ZNF740: variants seen among roughly 807,000 people sequenced by gnomAD.
The protein encoded by ZNF740 is oriLyt TD-element-binding protein 7.
In ZNF740, 14 loss-of-function variants were observed where a neutral mutation model predicts 24.8. That is an observed-to-expected ratio of 0.56 (90% CI 0.37 to 0.88). The LOEUF is 0.88. Among genes scored for constraint, ZNF740 ranks in the 40% least tolerant of loss-of-function variants. The pLI, the probability that ZNF740 is intolerant of heterozygous loss-of-function variation, is 0.00. For synonymous variants in ZNF740, 69 were observed against 84.0 expected (o/e 0.82, Z 0.98); for missense variants, 201 against 247.9 (o/e 0.81, Z 1.27).
chr12:53,191,588 G>A lies in ZNF740; in HGVS notation c.*3998G>A, dbSNP rs141610554. On this transcript the variant is annotated 3_prime_UTR_variant, in exon 7 of 7. Coordinates refer to ENST00000416904, the MANE Select transcript of ZNF740 (RefSeq NM_001004304.4). ...GTGGGACTGTCTGCCTCTTGAAAGC[G>A]AGGATTGATGGTGGTCGTGATGGCA... 1,901 of 1,613,724 alleles carry A rather than the reference G, an allele frequency of 1.2e-3. 1 individual carries two copies. The highest frequency in any genetic ancestry group is 1.5e-3 in the Non-Finnish European group (1,815 of 1,179,722).
Position 53,188,569 on chromosome 12 carries a change from C to T in ZNF740, c.*979C>T, listed in dbSNP as rs1941867755. The stretch of plus-strand genomic sequence containing the variant: ...CCAAGACTGGTCCCAAGTTGGCTAA[C>T]AGCTGCTCAAGAAACAAAGGAATCT... On this transcript the variant is annotated 3_prime_UTR_variant, in exon 7 of 7. Transcript: ENST00000416904. 1 of 152,592 alleles carries T rather than the reference C, an allele frequency of 6.6e-6. No individual in the cohort carries two copies. Among genetic ancestry groups the T allele is most frequent in the Non-Finnish European group, 1.5e-5 (1 of 68,042 alleles). 9.5% of individuals were successfully genotyped at this position (152,592 alleles called of 1,614,324 possible).
intron 6 of ZNF740, among the ~76,000 whole-genome samples, chr12:53,187,231 C>T (rs1325910321): frequency 6.6e-6 from 1 of 152,174 alleles, no homozygotes; most frequent in Non-Finnish European, 1.5e-5. Flanking sequence ...TACTTTTAGC[C>T]TCGCTTTGCA....
rs369601059 is a variant in ZNF740 at position 53,181,103 on chromosome 12, C to T, written c.-308+266C>T. On this transcript the variant is annotated intron_variant, in intron 1 of 6. Coordinates refer to ENST00000416904, the MANE Select transcript of ZNF740 (RefSeq NM_001004304.4). ...CACGCATCTCGCGCGCTTCTCGGCA[C>T]TCTCCGGCTCTGCTCCCGGTTGGTG... 1.2e-4 allele frequency: 114 copies of T among 946,928 alleles called. No individual in the cohort carries two copies. The East Asian group carries it at 0.011, about 89-fold the overall frequency. The allele number at this position is 946,928 out of a possible 1,614,324, so 58.7% of individuals were successfully genotyped here.
In ZNF740 at chr12:53,184,904, C is replaced by T; in HGVS notation, c.23C>T (p.Ala8Val). 6.2e-7 allele frequency: 1 copy of T among 1,613,198 alleles called. No homozygotes were observed. Among genetic ancestry groups the T allele is most frequent in the Non-Finnish European group, 8.5e-7 (1 of 1,179,530 alleles). Residue 8 changes from alanine to valine, a missense_variant, in exon 3 of 7, where the codon GCT (alanine) becomes GTT (valine). Ala to Val is a moderately conservative substitution (Grantham distance 64, BLOSUM62 0). Transcript: ENST00000416904. MAQASLL[A>V]CEGLAGVSLV... ...CTTTCAACTTAGGCAAGTCTCCTGG[C>T]TTGTGAAGGCCTAGCAGGTGTGAGT...
In ZNF740 at chr12:53,194,994, A is replaced by G. The variant is rs1942108560; in HGVS notation, c.*7404A>G. 1 of 220,288 alleles carries G rather than the reference A, an allele frequency of 4.5e-6. No individual in the cohort carries two copies. The highest frequency in any genetic ancestry group is 2.3e-5 in the African/African-American group (1 of 44,374). The allele number at this position is 220,288 out of a possible 1,614,324, so 13.6% of individuals were successfully genotyped here. A position where few individuals can be genotyped will look rare whatever the true frequency, so the allele number is the denominator to read the frequency against. Reference sequence around the variant, plus strand: ...CTTTGTGACCTTGGACAAGTCACTTAGCCTCCTTGTGTGGGTTTCCTCATC... The same window carrying G: ...CTTTGTGACCTTGGACAAGTCACTTGGCCTCCTTGTGTGGGTTTCCTCATC... On this transcript the variant is annotated 3_prime_UTR_variant, in exon 7 of 7. Transcript: ENST00000416904.
At position 53,194,410 on chromosome 12, in the gene ZNF740, C is replaced by T; in HGVS notation, c.*6820C>T. ...AAAGGACTCCAACCCCACCTTATGTCCTCTCCAGGTGTTCCCAATTCTGCC... is the reference window on the plus strand; with the variant it reads ...AAAGGACTCCAACCCCACCTTATGTTCTCTCCAGGTGTTCCCAATTCTGCC... On this transcript the variant is annotated 3_prime_UTR_variant, in exon 7 of 7. Transcript: ENST00000416904. 2 of 1,526,088 alleles carry T rather than the reference C, an allele frequency of 1.3e-6. No homozygotes were observed. Among genetic ancestry groups the T allele is most frequent in the South Asian group, 1.2e-5 (1 of 85,542 alleles). The allele number at this position is 1,526,088 out of a possible 1,614,324, so 94.5% of individuals were successfully genotyped here.
At position 53,192,408 on chromosome 12, in the gene ZNF740, G is replaced by A. The variant is rs1285137487; in HGVS notation, c.*4818G>A. ...AAGAAGAAGAACAGCTGGTTGTCCA[G>A]GGTCCGCTCTTTGCACCAGCCATCA... is the stretch of plus-strand genomic sequence containing the variant. On this transcript the variant is annotated 3_prime_UTR_variant, in exon 7 of 7. Transcript: ENST00000416904. 3.7e-6 allele frequency: 6 copies of A among 1,613,992 alleles called. No individual in the cohort carries two copies. Among genetic ancestry groups the A allele is most frequent in the East Asian group, 2.2e-5 (1 of 44,892 alleles).
In ZNF740 at chr12:53,192,271, C is replaced by T; in HGVS notation, c.*4681C>T. The stretch of plus-strand genomic sequence containing the variant: ...TTCCCATTATCTTCACTCTGCATCC[C>T]CAGAGTTGAGACCCTGCCCATCAAA... On this transcript the variant is annotated 3_prime_UTR_variant, in exon 7 of 7. Coordinates refer to ENST00000416904, the MANE Select transcript of ZNF740 (RefSeq NM_001004304.4). The T allele has an allele frequency of 6.5e-7, 1 of 1,530,500 alleles. No homozygotes were observed. Among genetic ancestry groups the T allele is most frequent in the Non-Finnish European group, 9.0e-7 (1 of 1,107,426 alleles). The allele number at this position is 1,530,500 out of a possible 1,614,324, so 94.8% of individuals were successfully genotyped here.
intron 2 of ZNF740, among the ~76,000 whole-genome samples, chr12:53,182,396 C>T (rs1388935817): frequency 6.6e-6 from 1 of 152,150 alleles, no homozygotes; most frequent in East Asian, 1.9e-4. Flanking sequence ...TACGATTGTC[C>T]TTGTCCCCAG....
rs1941943214 is a variant in ZNF740 at position 53,191,533 on chromosome 12, T to G, written c.*3943T>G. ...CCACTGTCCTCCAAGGAGAAGAGCC[T>G]TGGGTAAGTGTCCCTCCCTCCTTCA... On this transcript the variant is annotated 3_prime_UTR_variant, in exon 7 of 7. Coordinates refer to ENST00000416904, the MANE Select transcript of ZNF740 (RefSeq NM_001004304.4). The G allele has an allele frequency of 6.4e-7, 1 of 1,569,660 alleles. No homozygotes were observed. The highest frequency in any genetic ancestry group is 2.2e-5 in the East Asian group (1 of 44,646).
rs1942072052 is a variant in ZNF740, at chr12:53,194,105, T to C, written c.*6515T>C. Reference sequence around the variant, plus strand: ...GGACTACCTCAGGCTCTCATGTCACTCCCTGTACCTGCCACCCATCTTTTC... The same window carrying C: ...GGACTACCTCAGGCTCTCATGTCACCCCCTGTACCTGCCACCCATCTTTTC... On this transcript the variant is annotated 3_prime_UTR_variant, in exon 7 of 7. Coordinates refer to ENST00000416904, the MANE Select transcript of ZNF740 (RefSeq NM_001004304.4). The C allele has an allele frequency of 1.3e-6, 2 of 1,555,432 alleles. No individual in the cohort carries two copies. The highest frequency in any genetic ancestry group is 1.8e-6 in the Non-Finnish European group (2 of 1,135,642).
chr12:53,181,695 G>T lies in ZNF740; in HGVS notation c.-289G>T. On this transcript the variant is annotated 5_prime_UTR_variant, in exon 2 of 7. Coordinates refer to ENST00000416904, the MANE Select transcript of ZNF740 (RefSeq NM_001004304.4). ...GTTTCAGGTTTCTGAAACAGATCGT[G>T]AGCTTCATCAAGAGAATTCAACTGG... is the stretch of plus-strand genomic sequence containing the variant. The T allele has an allele frequency of 2.2e-6, 1 of 452,224 alleles. No individual in the cohort carries two copies. The highest frequency in any genetic ancestry group is 3.7e-6 in the Non-Finnish European group (1 of 272,462). The allele number at this position is 452,224 out of a possible 1,614,324, so 28.0% of individuals were successfully genotyped here.
At position 53,186,013 on chromosome 12, in the gene ZNF740, T is replaced by C; in HGVS notation, c.309T>C (p.Cys103=). The change falls in exon 5 of 7, where the codon TGT becomes TGC. Residue 103 remains cysteine, a synonymous_variant. Coordinates refer to ENST00000416904, the MANE Select transcript of ZNF740 (RefSeq NM_001004304.4). ...FQVKIPKNFV[C]EHCFGAFRSS... ...TAAAGATTCCCAAAAATTTTGTTTG[T>C]GAACACTGCTTTGGAGCCTTTCGGA... 6.2e-7 allele frequency: 1 copy of C among 1,613,946 alleles called. No individual in the cohort carries two copies. Among genetic ancestry groups the C allele is most frequent in the Non-Finnish European group, 8.5e-7 (1 of 1,179,846 alleles).
At position 53,192,325 on chromosome 12, in the gene ZNF740, C is replaced by G; in HGVS notation, c.*4735C>G. The G allele has an allele frequency of 6.2e-7, 1 of 1,613,998 alleles. No homozygotes were observed. Among genetic ancestry groups the G allele is most frequent in the South Asian group, 1.1e-5 (1 of 91,080 alleles). On this transcript the variant is annotated 3_prime_UTR_variant, in exon 7 of 7. Transcript: ENST00000416904. ...CCAGGGTTTGTGGCATCCCTGCCCA[C>G]TTACTTTCTTGGGGTCTCACTCTGA...
At position 53,180,926 on chromosome 12, in the gene ZNF740, G is replaced by C. The variant is rs930066244; in HGVS notation, c.-308+89G>C. ...AAGCCGTGGGGTGCCGCGCGGGAAG[G>C]GGGAGGGGAGGGGAGGAGGGGCGCG... On this transcript the variant is annotated intron_variant, in intron 1 of 6. Coordinates refer to ENST00000416904, the MANE Select transcript of ZNF740 (RefSeq NM_001004304.4). 20 of 1,050,444 alleles carry C rather than the reference G, an allele frequency of 1.9e-5. 1 individual carries two copies. Among genetic ancestry groups the C allele is most frequent in the Middle Eastern group, 4.5e-4 (1 of 2,202 alleles). 65.1% of individuals were successfully genotyped at this position (1,050,444 alleles called of 1,614,324 possible). A position where few individuals can be genotyped will look rare whatever the true frequency, so the allele number is the denominator to read the frequency against.
intron 3 of ZNF740, 100 bp from the exon 4 acceptor site, chr12:53,185,287 G>A: frequency 1.5e-6 from 2 of 1,322,100 alleles, no homozygotes; most frequent in African/African-American, 1.5e-5. Flanking sequence ...TTCGGGGCAG[G>A]TGGTTTACTC....
Position 53,180,848 on chromosome 12 carries a change from G to C in ZNF740, c.-308+11G>C. 7.9e-7 allele frequency: 1 copy of C among 1,267,396 alleles called. No individual in the cohort carries two copies. The highest frequency in any genetic ancestry group is 1.0e-6 in the Non-Finnish European group (1 of 980,478). The allele number at this position is 1,267,396 out of a possible 1,614,324, so 78.5% of individuals were successfully genotyped here. A position where few individuals can be genotyped will look rare whatever the true frequency, so the allele number is the denominator to read the frequency against. On this transcript the variant is annotated intron_variant, in intron 1 of 6. Transcript: ENST00000416904. ...GGCCGCGCCTGGCAGGTAGGAGCAA[G>C]CCCCAAAGACCGCAGCGTCGTCCGT...
Position 53,192,110 on chromosome 12 carries a change from GTC to G in ZNF740, c.*4522_*4523del. 6.8e-7 allele frequency: 1 copy of G among 1,465,358 alleles called. No homozygotes were observed. Among genetic ancestry groups the G allele is most frequent in the South Asian group, 1.3e-5 (1 of 79,830 alleles). The allele number at this position is 1,465,358 out of a possible 1,614,324, so 90.8% of individuals were successfully genotyped here. The stretch of plus-strand genomic sequence containing the variant: ...CAGTGTGTCCAGCCTGTCCAACCCT[GTC>G]TGTCACTGAAAGCAAAGGGAACCCA... On this transcript the variant is annotated 3_prime_UTR_variant, in exon 7 of 7. Coordinates refer to ENST00000416904, the MANE Select transcript of ZNF740 (RefSeq NM_001004304.4).
intron 2 of ZNF740, chr12:53,182,295 G>C (rs957387352): frequency 8.9e-6 from 3 of 335,558 alleles, no homozygotes; most frequent in Non-Finnish European, 1.6e-5. Context: ...GGAGTGAATA[G>C]TACGGTGAAT....
Sources: allele counts gnomAD v4.1 joint callset (sites outside exome capture counted in the v4.1 genomes callset), GRCh38; gene constraint gnomAD v4.1.1; transcripts MANE v1.5; gene names NCBI Gene and HGNC (gene_info 2026-07-23, HGNC 2026-07-21).